ZNF469: variants seen among roughly 807,000 people sequenced by gnomAD.
The protein encoded by ZNF469 is zinc finger protein 469.
Under a neutral mutation model 1.0 loss-of-function variants are expected in ZNF469, and 1 was observed. That is an observed-to-expected ratio of 1.00 (90% CI 0.35 to 4.73). ZNF469 has a LOEUF of 4.73. Ranked by LOEUF, ZNF469 falls within the 30% of genes most tolerant of loss-of-function variation. ZNF469 has a pLI of 0.16. For missense variants in ZNF469, 6,100 were observed against 5,356.3 expected (o/e 1.14, Z -4.33); for synonymous variants, 2,703 against 2,363.4 (o/e 1.14, Z -4.17).
the ZNF469 span, among the ~76,000 whole-genome samples, chr16:88,372,893 A>G: frequency 6.6e-6 from 1 of 151,744 alleles, no homozygotes; most frequent in East Asian, 1.9e-4. Context: ...CATCACCACC[A>G]CTACCATCAT....
the ZNF469 span, among the ~76,000 whole-genome samples, chr16:88,153,441 C>G: frequency 6.6e-6 from 1 of 152,238 alleles, no homozygotes; most frequent in Non-Finnish European, 1.5e-5. Context: ...GGAAGCAAAA[C>G]AGTGGCTGGG....
chr16:88,283,412 T>G, the ZNF469 span, among the ~76,000 whole-genome samples: 1 of 152,028 alleles, frequency 6.6e-6, no homozygotes, highest in Non-Finnish European at 1.5e-5. Flanking sequence ...CATCAAAAAA[T>G]AAGACGAATG....
chr16:88,285,344 A>G, the ZNF469 span, among the ~76,000 whole-genome samples: 8 of 152,352 alleles, frequency 5.3e-5, no homozygotes, highest in African/African-American at 1.9e-4. Context: ...AGCGGTCTCT[A>G]ACCCTCGGCA....
the ZNF469 span, among the ~76,000 whole-genome samples, chr16:88,245,397 C>T: frequency 2.6e-5 from 4 of 152,256 alleles, no homozygotes; most frequent in African/African-American, 7.2e-5. Flanking sequence ...AGAGAGGATG[C>T]GTAGGCTCTT....
chr16:88,383,974 G>A (rs2092531815), intron 1 of ZNF469, among the ~76,000 whole-genome samples: 1 of 152,180 alleles, frequency 6.6e-6, no homozygotes, highest in Non-Finnish European at 1.5e-5. Flanking sequence ...GGACTCCCGC[G>A]GCCACCCAGT....
At chr16:88,223,730 G>A in the ZNF469 span, among the ~76,000 whole-genome samples, 1 of 152,254 alleles carries the variant, frequency 6.6e-6, no homozygotes. Flanking sequence ...TGTGAAAGCA[G>A]CTTTCCGCTG....
the ZNF469 span, among the ~76,000 whole-genome samples, chr16:88,369,222 C>G: frequency 6.6e-6 from 1 of 152,212 alleles, no homozygotes; most frequent in Non-Finnish European, 1.5e-5. Flanking sequence ...CGCCATTCCC[C>G]CACCCCACGC....
At chr16:88,131,316 GGT>G in the ZNF469 span, among the ~76,000 whole-genome samples, 1 of 152,170 alleles carries the variant, frequency 6.6e-6, no homozygotes, top group African/African-American at 2.4e-5. Flanking sequence ...TACCAAGGCT[GGT>G]GTGTCGCCTA....
chr16:88,417,141 C>T (rs948683744), intron 1 of ZNF469, among the ~76,000 whole-genome samples: 2 of 152,162 alleles, frequency 1.3e-5, no homozygotes, highest in African/African-American at 4.8e-5. Context: ...CCCAGGAGGC[C>T]GAGAGCAAGG....
At chr16:88,285,104 T>C in the ZNF469 span, among the ~76,000 whole-genome samples, 6 of 152,232 alleles carry the variant, frequency 3.9e-5, no homozygotes, top group African/African-American at 1.2e-4. Context: ...ACCCGTCAGC[T>C]TCAGCCCAAG....
At chr16:88,330,978 G>A in the ZNF469 span, among the ~76,000 whole-genome samples, 2 of 151,724 alleles carry the variant, frequency 1.3e-5, no homozygotes, top group East Asian at 1.9e-4. Context: ...CATCACCATC[G>A]CCACCACCAT....
rs2092529497 is a variant in ZNF469 at position 88,383,096 on chromosome 16, CGCGCGGCAGA to C, written c.-346_-337del. On this transcript the variant is annotated 5_prime_UTR_variant, in exon 1 of 3. Transcript: ENST00000565624. Reference sequence around the variant, plus strand: ...CCTCCCACCCCGCCCCGAGGCGCAGCGCGCGGCAGAGCGGCTCGGTGCCCGGCGGGCGGGC... The same window carrying C: ...CCTCCCACCCCGCCCCGAGGCGCAGCGCGGCTCGGTGCCCGGCGGGCGGGC... Among the ~76,000 whole-genome samples the C allele has an allele frequency of 6.7e-6, 1 of 150,346 alleles. No homozygotes were observed. Among genetic ancestry groups the C allele is most frequent in the Admixed American group, 6.6e-5 (1 of 15,098 alleles).
At chr16:88,231,782 G>C in the ZNF469 span, among the ~76,000 whole-genome samples, 2 of 152,186 alleles carry the variant, frequency 1.3e-5, no homozygotes, top group African/African-American at 2.4e-5. The surrounding 1 kb of genome is among the most constrained non-coding windows in gnomAD (Gnocchi z 4.5). Flanking sequence ...CCCATCTCAA[G>C]AGCCTTCACT....
chr16:88,261,128 C>A, the ZNF469 span, among the ~76,000 whole-genome samples: 1 of 152,194 alleles, frequency 6.6e-6, no homozygotes, highest in Non-Finnish European at 1.5e-5. This position sits in a 1 kb window ranked among gnomAD's most constrained non-coding sequence, Gnocchi z 6.0. Flanking sequence ...TCCCAGGAGG[C>A]AATCAGCGAT....
chr16:88,218,749 T>G, the ZNF469 span, among the ~76,000 whole-genome samples: 4 of 151,922 alleles, frequency 2.6e-5, no homozygotes, highest in African/African-American at 9.7e-5. Flanking sequence ...TTCCACATAG[T>G]GTTGGAAGTT....
the ZNF469 span, among the ~76,000 whole-genome samples, chr16:88,175,624 TA>T: frequency 1.3e-5 from 2 of 152,298 alleles, no homozygotes; most frequent in South Asian, 2.1e-4. Context: ...CTAAGAAAAT[TA>T]AAAAATATTT....
chr16:88,352,097 G>A, the ZNF469 span, among the ~76,000 whole-genome samples: 1 of 152,170 alleles, frequency 6.6e-6, no homozygotes, highest in Non-Finnish European at 1.5e-5. Context: ...CAGAAAGCGG[G>A]TCCATGGGTG....
At chr16:88,415,635 G>A (rs1169874423) in intron 1 of ZNF469, among the ~76,000 whole-genome samples, 2 of 152,202 alleles carry the variant, frequency 1.3e-5, no homozygotes, top group Non-Finnish European at 2.9e-5. Context: ...AGGGGCAGGA[G>A]GACACGGACC....
At chr16:88,251,249 C>G in the ZNF469 span, among the ~76,000 whole-genome samples, 1 of 152,202 alleles carries the variant, frequency 6.6e-6, no homozygotes, top group Non-Finnish European at 1.5e-5. Context: ...TGAACTCTCT[C>G]TGTGAAACCC....
Sources: gnomAD v4.1 joint callset for allele counts (sites outside exome capture counted in the v4.1 genomes callset) on GRCh38, gnomAD v4.1.1 for gene constraint, Gnocchi (gnomAD v3.1) non-coding constraint, MANE v1.5 for transcripts, NCBI Gene and HGNC (gene_info 2026-07-23, HGNC 2026-07-21) for gene names.